NTM: variants seen among roughly 807,000 people sequenced by gnomAD.
NTM encodes the protein neurotrimin.
NTM carries 13 observed loss-of-function variants against 42.1 expected under a neutral mutation model. The observed-to-expected ratio is 0.31, with a 90% CI of 0.20 to 0.49. The LOEUF (loss-of-function observed/expected upper bound fraction) is 0.49. Among genes scored for constraint, NTM ranks in the 20% least tolerant of loss-of-function variants. NTM has a pLI of 0.99. For missense variants in NTM, 373 were observed against 452.8 expected (o/e 0.82, Z 1.60); for synonymous variants, 187 against 179.2 (o/e 1.04, Z -0.35).
At chr11:132,298,052 G>A (rs2094690609) in intron 4 of NTM, among the ~76,000 whole-genome samples, 1 of 152,128 alleles carries the variant, frequency 6.6e-6, no homozygotes, top group African/African-American at 2.4e-5. Flanking sequence ...CTGATCCTGA[G>A]CACAATGGTG....
At chr11:132,161,370 CTTTTT>C (rs55732584) in intron 3 of NTM, among the ~76,000 whole-genome samples, 1,423 of 64,100 alleles carry the variant, frequency 0.022, 23 homozygotes, top group Non-Finnish European at 0.029. Context: ...TTTCGAGCAG[CTTTTT>C]TTTTTTTTTT....
chr11:131,965,328 G>A (rs1186501788), intron 2 of NTM, among the ~76,000 whole-genome samples: 1 of 151,988 alleles, frequency 6.6e-6, no homozygotes, highest in Non-Finnish European at 1.5e-5. Context: ...GGGACTCAAC[G>A]TCTCCTGGAA....
intron 1 of NTM, among the ~76,000 whole-genome samples, chr11:131,891,505 C>T (rs751965223): frequency 1.3e-5 from 2 of 152,150 alleles, no homozygotes; most frequent in Non-Finnish European, 2.9e-5. Flanking sequence ...GCACATTTCA[C>T]GGGGCCACAC....
At chr11:131,522,060 T>G (rs1478153596) in intron 1 of NTM, among the ~76,000 whole-genome samples, 2 of 152,166 alleles carry the variant, frequency 1.3e-5, no homozygotes, top group Non-Finnish European at 2.9e-5. Flanking sequence ...AAGACTACAG[T>G]GGAAAGTGAC....
At chr11:131,760,555 C>T (rs1472115649) in intron 1 of NTM, among the ~76,000 whole-genome samples, 1 of 152,186 alleles carries the variant, frequency 6.6e-6, no homozygotes, top group East Asian at 1.9e-4. Flanking sequence ...CTGATTCCCC[C>T]GCTCAGTACA....
intron 1 of NTM, among the ~76,000 whole-genome samples, chr11:131,461,774 A>G (rs1194636130): frequency 6.6e-6 from 1 of 152,224 alleles, no homozygotes; most frequent in East Asian, 1.9e-4. Context: ...CACAATGTGT[A>G]TGCAAACCAA....
intron 4 of NTM, among the ~76,000 whole-genome samples, chr11:132,253,164 G>A (rs913067993): frequency 6.6e-6 from 1 of 152,164 alleles, no homozygotes; most frequent in Admixed American, 6.5e-5. Flanking sequence ...CTGGAGCTTA[G>A]GATCTGGTAA....
chr11:132,130,915 C>T (rs1227640560), intron 2 of NTM, among the ~76,000 whole-genome samples: 6 of 152,198 alleles, frequency 3.9e-5, no homozygotes, highest in South Asian at 2.1e-4. Context: ...GACTTGCCCA[C>T]GATCACACAT....
intron 1 of NTM, among the ~76,000 whole-genome samples, chr11:131,568,591 C>T (rs2057128141): frequency 6.6e-6 from 1 of 152,222 alleles, no homozygotes; most frequent in Non-Finnish European, 1.5e-5. Flanking sequence ...ACACAGGCTG[C>T]ACCCACACTT....
intron 1 of NTM, among the ~76,000 whole-genome samples, chr11:131,552,525 C>T (rs895386429): frequency 5.6e-5 from 8 of 143,850 alleles, no homozygotes; most frequent in Admixed American, 4.2e-4. Context: ...AAAAAAAATA[C>T]CCTCAAGAGG....
intron 2 of NTM, among the ~76,000 whole-genome samples, chr11:131,970,992 G>GCTGT (rs2063456766): frequency 6.6e-6 from 1 of 152,116 alleles, no homozygotes; most frequent in Non-Finnish European, 1.5e-5. Context: ...ATTTATCAGG[G>GCTGT]CTGTCTTTCC....
intron 1 of NTM, among the ~76,000 whole-genome samples, chr11:131,376,860 C>T (rs747081865): frequency 1.8e-4 from 28 of 152,136 alleles, no homozygotes; most frequent in Non-Finnish European, 3.1e-4. Flanking sequence ...TATTTGCCCA[C>T]GGGTTCAATC....
At chr11:131,752,525 A>G (rs11222772) in intron 1 of NTM, among the ~76,000 whole-genome samples, 12,975 of 152,282 alleles carry the variant, frequency 0.085, 637 homozygotes, top group East Asian at 0.16. Context: ...TTGATTCAGC[A>G]ATCCCATTAC....
At chr11:131,532,810 C>A (rs1292847843) in intron 1 of NTM, among the ~76,000 whole-genome samples, 1 of 152,170 alleles carries the variant, frequency 6.6e-6, no homozygotes, top group Admixed American at 6.5e-5. Context: ...ATTTGCATTT[C>A]TCTAATGATC....
intron 1 of NTM, among the ~76,000 whole-genome samples, chr11:131,533,102 G>A (rs1181509544): frequency 6.6e-6 from 1 of 152,072 alleles, no homozygotes; most frequent in Non-Finnish European, 1.5e-5. Flanking sequence ...TGTTGTTCTT[G>A]TTCTTGTTCT....
intron 2 of NTM, among the ~76,000 whole-genome samples, chr11:132,128,774 A>AAAAAT: frequency 6.6e-6 from 1 of 151,702 alleles, no homozygotes; most frequent in Non-Finnish European, 1.5e-5. Context: ...TAAAAAATAA[A>AAAAAT]AAAATAAAAT....
intron 1 of NTM, among the ~76,000 whole-genome samples, chr11:131,591,395 A>G (rs969474089): frequency 3.4e-4 from 51 of 152,142 alleles, no homozygotes; most frequent in African/African-American, 1.2e-3. Context: ...TGCTTGGTCT[A>G]TCTGCTGCTG....
At chr11:131,562,330 G>A (rs1429116543) in intron 1 of NTM, among the ~76,000 whole-genome samples, 1 of 152,222 alleles carries the variant, frequency 6.6e-6, no homozygotes, top group Non-Finnish European at 1.5e-5. Flanking sequence ...GAAGGAGAGA[G>A]AGGAAGAATT....
chr11:132,104,117 C>T (rs939966122), intron 2 of NTM, among the ~76,000 whole-genome samples: 5 of 152,166 alleles, frequency 3.3e-5, no homozygotes, highest in Admixed American at 6.5e-5. Flanking sequence ...CAAGGCACAA[C>T]TCCTGGCACC....
Sources: allele counts gnomAD v4.1 joint callset (sites outside exome capture counted in the v4.1 genomes callset), GRCh38; gene constraint gnomAD v4.1.1; transcripts MANE v1.5; gene names NCBI Gene and HGNC (gene_info 2026-07-23, HGNC 2026-07-21).